ACE: variants seen among roughly 807,000 people sequenced by gnomAD.
ACE encodes angiotensin-converting enzyme.
A neutral mutation model predicts 162.3 loss-of-function variants in ACE; 122 were observed. That is an observed-to-expected ratio of 0.75 (90% CI 0.65 to 0.87). ACE has a LOEUF of 0.87. ACE is among the 40% of genes least tolerant of loss of function. The pLI, the probability that ACE is intolerant of heterozygous loss-of-function variation, is 0.00. For synonymous variants in ACE, 796 were observed against 720.6 expected, an observed-to-expected ratio of 1.10 and a Z score of -1.68; for missense variants, 1,799 against 1,735.1, an observed-to-expected ratio of 1.04 and a Z score of -0.65.
At chr17:63,486,506 G>A (rs751957712) in intron 13 of ACE, 51 bp from the exon 14 acceptor site, 11 of 1,608,346 alleles carry the variant, frequency 6.8e-6, no homozygotes, top group Non-Finnish European at 9.3e-6. Context: ...CCCGCTCAGA[G>A]GCTGCTCTGG....
Position 63,491,291 on chromosome 17 carries a change from G to A in ACE, c.2822G>A (p.Trp941Ter), listed in dbSNP as rs2030363266. 1.9e-6 allele frequency: 3 copies of A among 1,614,050 alleles called. No individual in the cohort carries two copies. The highest frequency in any genetic ancestry group is 2.5e-6 in the Non-Finnish European group (3 of 1,180,042). ...CTGCTGCCCGTGCCTCCTGAGTTCT[G>A]GAACAAGTCGATGCTGGAGAAGCCA... ...LGLLPVPPEF[W>*]NKSMLEKPTD... Residue 941 changes from tryptophan (W) to a stop codon, truncating the protein, a stop_gained, in exon 19 of 25, where the codon TGG (tryptophan) becomes TAG (stop). Transcript: ENST00000290866. LOFTEE classifies it high-confidence loss of function. The surrounding 1 kb of genome is among the most constrained non-coding windows in gnomAD (Gnocchi z 4.4).
intron 14 of ACE, 34 bp from the exon 15 acceptor site, chr17:63,486,952 G>C (rs1379337381): frequency 7.6e-6 from 12 of 1,576,664 alleles, no homozygotes; most frequent in Non-Finnish European, 9.6e-6. Flanking sequence ...AAGTGCAAAG[G>C]AGTACAGCTC....
chr17:63,493,842 C>T lies in ACE; in HGVS notation c.3137-80C>T. 2.5e-6 allele frequency: 4 copies of T among 1,602,698 alleles called. No individual in the cohort carries two copies. The South Asian group carries it at 3.3e-5, about 13-fold the overall frequency. ...CAGGGCCCAAAAGGTACAGCACCCC[C>T]ACCCCTCCACCATCACAGGCACACC... is the stretch of plus-strand genomic sequence containing the variant. On this transcript the variant is annotated intron_variant, in intron 20 of 24. Coordinates refer to ENST00000290866, the MANE Select transcript of ACE (RefSeq NM_000789.4).
At position 63,496,649 on chromosome 17, in the gene ACE, C is replaced by T. The variant is rs2030752322; in HGVS notation, c.3503+133C>T. The stretch of plus-strand genomic sequence containing the variant: ...GGGAACTCCCACCTGCAGCGTGGGC[C>T]AGGCCTGATTGCCATCTCCTTAGGC... On this transcript the variant is annotated intron_variant, in intron 23 of 24. Coordinates refer to ENST00000290866, the MANE Select transcript of ACE (RefSeq NM_000789.4). The T allele has an allele frequency of 1.9e-6, 3 of 1,579,058 alleles. No homozygotes were observed. In the East Asian group the frequency reaches 6.7e-5, roughly 35 times the overall value.
intron 2 of ACE, 107 bp downstream of exon 2, chr17:63,478,205 G>C: frequency 7.1e-7 from 1 of 1,406,604 alleles, no homozygotes; most frequent in Non-Finnish European, 9.6e-7. Context: ...GGATCCACAT[G>C]GGCCCTGACA....
Position 63,482,640 on chromosome 17 carries a change from T to C in ACE, c.1293T>C (p.Pro431=), listed in dbSNP as rs759771130. 1.9e-6 allele frequency: 3 copies of C among 1,613,978 alleles called. No homozygotes were observed. The Admixed American group carries it at 5.0e-5, about 27-fold the overall frequency. The change falls in exon 8 of 25, where the codon CCT becomes CCC. Residue 431 remains proline (P), a synonymous_variant. Coordinates refer to ENST00000290866, the MANE Select transcript of ACE (RefSeq NM_000789.4). ...GDVLALSVST[P]EHLHKIGLLD... ...TGCTGGCGCTCTCGGTCTCCACTCC[T>C]GAACATCTGCACAAAATCGGCCTGC...
chr17:63,481,231 G>GCC, intron 6 of ACE, 43 bp downstream of exon 6: 1 of 1,186,296 alleles, frequency 8.4e-7, no homozygotes, highest in Non-Finnish European at 1.2e-6. Flanking sequence ...GGTCGGGGGT[G>GCC]GGGCGCAAAA....
In ACE at chr17:63,484,951, C is replaced by A. The variant is rs1406238387; in HGVS notation, c.1922-285C>A. On this transcript the variant is annotated intron_variant, in intron 12 of 24. Transcript: ENST00000290866. The surrounding 1 kb of genome is among the most constrained non-coding windows in gnomAD (Gnocchi z 4.0). Reference sequence around the variant, plus strand: ...ACGGGCACCCTCTGCTGGTCCCCAGCCAGGAGGCATCCCAACAGGTGACAG... The same window carrying A: ...ACGGGCACCCTCTGCTGGTCCCCAGACAGGAGGCATCCCAACAGGTGACAG... 1 of 1,601,136 alleles carries A rather than the reference C, an allele frequency of 6.2e-7. No individual in the cohort carries two copies. Among genetic ancestry groups the A allele is most frequent in the Admixed American group, 1.7e-5 (1 of 57,696 alleles).
chr17:63,493,015 C>A (rs1184564508), intron 19 of ACE, among the ~76,000 whole-genome samples: 2 of 152,200 alleles, frequency 1.3e-5, no homozygotes, highest in Admixed American at 1.3e-4. Flanking sequence ...CAGAATCGCC[C>A]ACTCTCACCC....
intron 1 of ACE, 87 bp downstream of exon 1, chr17:63,477,430 C>G (rs2049635661): frequency 9.3e-7 from 1 of 1,073,954 alleles, no homozygotes; most frequent in Non-Finnish European, 1.1e-6. Flanking sequence ...GGCAGGCTGG[C>G]GCCCCCGACC....
intron 15 of ACE, 87 bp from the exon 16 acceptor site, chr17:63,488,561 T>G (rs1356240750): frequency 7.0e-7 from 1 of 1,420,684 alleles, no homozygotes; most frequent in East Asian, 2.6e-5. Context: ...TTCGCCAATT[T>G]TATTCCAGCT....
chr17:63,496,686 TG>T, intron 23 of ACE, 111 bp from the exon 24 acceptor site: 1 of 1,577,040 alleles, frequency 6.3e-7, no homozygotes, highest in Non-Finnish European at 8.7e-7. Flanking sequence ...CCTGGAGCCC[TG>T]GGGCCCTGGG....
At position 63,484,627 on chromosome 17, in the gene ACE, C is replaced by A; in HGVS notation, c.1921+86C>A. 1 of 1,492,606 alleles carries A rather than the reference C, an allele frequency of 6.7e-7. No homozygotes were observed. Among genetic ancestry groups the A allele is most frequent in the East Asian group, 2.4e-5 (1 of 41,014 alleles). The allele number at this position is 1,492,606 out of a possible 1,614,324, so 92.5% of individuals were successfully genotyped here. ...CAGGCCCCAGGTTCCTGGTCAGCTC[C>A]TACCAGCTGAGCCCTGGTACCCTGT... On this transcript the variant is annotated intron_variant, in intron 12 of 24. Transcript: ENST00000290866. This position sits in a 1 kb window ranked among gnomAD's most constrained non-coding sequence, Gnocchi z 4.0.
chr17:63,481,611 A>G lies in ACE; in HGVS notation c.991A>G (p.Thr331Ala). 6 of 1,613,292 alleles carry G rather than the reference A, an allele frequency of 3.7e-6. No homozygotes were observed. In the South Asian group the frequency reaches 4.4e-5, roughly 12 times the overall value. ...HMFRVAEEFFTSLELSPMPPE... is the reference protein window; with the variant it reads ...HMFRVAEEFFASLELSPMPPE... Reference sequence around the variant, plus strand: ...GTTCCGGGTGGCAGAGGAGTTCTTCACCTCCCTGGAGCTCTCCCCCATGCC... The same window carrying G: ...GTTCCGGGTGGCAGAGGAGTTCTTCGCCTCCCTGGAGCTCTCCCCCATGCC... The change falls in exon 7 of 25, where the codon ACC becomes GCC. Residue 331 changes from threonine to alanine, a missense_variant. Thr to Ala is a moderately conservative substitution (Grantham distance 58). Coordinates refer to ENST00000290866, the MANE Select transcript of ACE (RefSeq NM_000789.4).
intron 22 of ACE, 121 bp from the exon 23 acceptor site, chr17:63,496,272 TG>T: frequency 6.8e-7 from 1 of 1,469,494 alleles, no homozygotes; most frequent in Non-Finnish European, 9.5e-7. Context: ...TGGGGGGCCT[TG>T]GCTCTGCTGT....
rs998651889 is a variant in ACE, at chr17:63,484,550, C to G, written c.1921+9C>G. 3.7e-6 allele frequency: 6 copies of G among 1,608,166 alleles called. No individual in the cohort carries two copies. The highest frequency in any genetic ancestry group is 5.1e-6 in the Non-Finnish European group (6 of 1,178,192). On this transcript the variant is annotated intron_variant, in intron 12 of 24. Coordinates refer to ENST00000290866, the MANE Select transcript of ACE (RefSeq NM_000789.4). This position sits in a 1 kb window ranked among gnomAD's most constrained non-coding sequence, Gnocchi z 4.0. ...CTACCCGGAGGGCATAGGTAAAGCC[C>G]TGAGTGAGGATGGTGTGGGGCTAAG...
chr17:63,485,273 G>A lies in ACE; in HGVS notation c.1959G>A (p.Val653=). ...VTDEAEASKF[V]EEYDRTSQVV... Reference sequence around the variant, plus strand: ...ATGAGGCTGAGGCCAGCAAGTTTGTGGAGGAATATGACCGGACATCCCAGG... The same window carrying A: ...ATGAGGCTGAGGCCAGCAAGTTTGTAGAGGAATATGACCGGACATCCCAGG... The change falls in exon 13 of 25, where the codon GTG becomes GTA. Residue 653 remains valine (V), a synonymous_variant. Transcript: ENST00000290866. The A allele has an allele frequency of 1.2e-6, 2 of 1,614,108 alleles. No individual in the cohort carries two copies. The highest frequency in any genetic ancestry group is 1.7e-6 in the Non-Finnish European group (2 of 1,180,004).
chr17:63,484,210 A>G lies in ACE; in HGVS notation c.1710-120A>G, dbSNP rs2029861825. ...GAGAGATCCCAGGCCCCAGGGTCTT[A>G]TTGCCACAGTTTCTGCAGTCCATTG... On this transcript the variant is annotated intron_variant, in intron 11 of 24. Transcript: ENST00000290866. The surrounding 1 kb of genome is among the most constrained non-coding windows in gnomAD (Gnocchi z 4.0). 7.6e-7 allele frequency: 1 copy of G among 1,307,206 alleles called. No homozygotes were observed. Among genetic ancestry groups the G allele is most frequent in the Non-Finnish European group, 1.1e-6 (1 of 941,836 alleles). The allele number at this position is 1,307,206 out of a possible 1,614,324, so 81.0% of individuals were successfully genotyped here.
intron 10 of ACE, 39 bp from the exon 11 acceptor site, chr17:63,483,810 C>T (rs750657828): frequency 1.2e-6 from 2 of 1,613,460 alleles, no homozygotes; most frequent in South Asian, 2.2e-5. Context: ...TGTTCCTGGC[C>T]CCCCATGATC....
Sources: gnomAD v4.1 joint callset for allele counts (sites outside exome capture counted in the v4.1 genomes callset) on GRCh38, gnomAD v4.1.1 for gene constraint, Gnocchi (gnomAD v3.1) non-coding constraint, MANE v1.5 for transcripts, NCBI Gene and HGNC (gene_info 2026-07-23, HGNC 2026-07-21) for gene names.